Variants in NRXN3 observed in about 807,000 individuals in gnomAD.
NRXN3 encodes the protein neurexin 3.
Under a neutral mutation model 137.6 loss-of-function variants are expected in NRXN3, and 32 were observed. That is an observed-to-expected ratio of 0.23 (90% CI 0.18 to 0.31). The LOEUF (loss-of-function observed/expected upper bound fraction) is 0.31, where lower values mean the gene tolerates loss of function less well. NRXN3 is among the 10% of genes least tolerant of loss of function. The probability of loss-of-function intolerance (pLI) is 1.00; values close to 1 mark genes in which losing one functional copy is unlikely to be tolerated. For missense variants in NRXN3, 1,574 were observed against 2,062.5 expected (o/e 0.76, Z 4.59); for synonymous variants, 798 against 784.5 (o/e 1.02, Z -0.29).
At chr14:79,308,932 A>T (rs552726191) in intron 15 of NRXN3, among the ~76,000 whole-genome samples, 124 of 95,736 alleles carry the variant, frequency 1.3e-3, no homozygotes, top group African/African-American at 4.8e-3. Flanking sequence ...TTTATTTTTT[A>T]ATTTTTTTTT....
intron 20 of NRXN3, among the ~76,000 whole-genome samples, chr14:79,831,342 G>C (rs1463238387): frequency 6.6e-6 from 1 of 152,146 alleles, no homozygotes; most frequent in African/African-American, 2.4e-5. Flanking sequence ...TCACGTACAA[G>C]AATGTTAATG....
intron 15 of NRXN3, among the ~76,000 whole-genome samples, chr14:79,052,241 G>A (rs756394823): frequency 5.9e-5 from 9 of 152,048 alleles, no homozygotes; most frequent in South Asian, 2.1e-4. Context: ...GTACATTTAC[G>A]GGATCATCAG....
At chr14:79,093,928 C>G (rs1307088007) in intron 15 of NRXN3, among the ~76,000 whole-genome samples, 1 of 151,630 alleles carries the variant, frequency 6.6e-6, no homozygotes, top group Admixed American at 6.6e-5. Context: ...TTTCCCCTCT[C>G]AAATAAAGGG....
intron 15 of NRXN3, among the ~76,000 whole-genome samples, chr14:79,203,707 T>C (rs1193566544): frequency 6.6e-6 from 1 of 152,230 alleles, no homozygotes; most frequent in Non-Finnish European, 1.5e-5. Flanking sequence ...ACTTAATTTC[T>C]GAGCTTCAGT....
intron 15 of NRXN3, among the ~76,000 whole-genome samples, chr14:79,243,302 A>G (rs749797219): frequency 3.3e-5 from 5 of 152,222 alleles, no homozygotes; most frequent in Non-Finnish European, 5.9e-5. Context: ...TACATAGGAC[A>G]GCATCCAAAT....
rs1360851437 is a variant in NRXN3, at chr14:78,314,598, G to A, written c.757+16738G>A. 3.9e-5 allele frequency among the ~76,000 whole-genome samples: 6 copies of A among 152,292 alleles called. No individual in the cohort carries two copies. The East Asian group carries it at 5.8e-4, about 15-fold the overall frequency. ...CTATGATTGGCCAGAACTCAGTCAC[G>A]TAATCCCATCCAATTGCAAAGGAGA... On this transcript the variant is annotated intron_variant, in intron 4 of 20. Coordinates refer to ENST00000335750, the MANE Select transcript of NRXN3 (RefSeq NM_001330195.2).
At chr14:79,537,176 A>C (rs180751840) in intron 16 of NRXN3, among the ~76,000 whole-genome samples, 3 of 151,956 alleles carry the variant, frequency 2.0e-5, no homozygotes, top group African/African-American at 7.3e-5. Context: ...ATGGAGTCTC[A>C]TTGTGGTTTT....
intron 15 of NRXN3, among the ~76,000 whole-genome samples, chr14:79,038,587 A>T (rs1198314082): frequency 6.6e-6 from 1 of 152,086 alleles, no homozygotes; most frequent in African/African-American, 2.4e-5. Context: ...AATAATGGGT[A>T]TGCTCTCCTT....
intron 15 of NRXN3, among the ~76,000 whole-genome samples, chr14:79,446,120 C>T (rs1240073884): frequency 2.0e-5 from 3 of 152,020 alleles, no homozygotes; most frequent in Admixed American, 6.6e-5. Context: ...CAGACAAAAA[C>T]GAATAAGAAC....
chr14:79,073,865 T>C (rs998015481), intron 15 of NRXN3, among the ~76,000 whole-genome samples: 3 of 152,118 alleles, frequency 2.0e-5, no homozygotes, highest in African/African-American at 7.3e-5. Flanking sequence ...GCAGCTCTGC[T>C]ACTTACTGGC....
chr14:79,150,297 A>G (rs771691963), intron 15 of NRXN3, among the ~76,000 whole-genome samples: 6 of 152,030 alleles, frequency 3.9e-5, no homozygotes, highest in Non-Finnish European at 7.4e-5. Flanking sequence ...AATAGTTAAA[A>G]TTGTGCATTT....
chr14:79,193,469 G>A (rs1286489479), intron 15 of NRXN3, among the ~76,000 whole-genome samples: 1 of 152,204 alleles, frequency 6.6e-6, no homozygotes, highest in Non-Finnish European at 1.5e-5. Context: ...AGATTATATT[G>A]CTGTTGCATT....
At chr14:78,793,521 G>A (rs2098811841) in intron 8 of NRXN3, among the ~76,000 whole-genome samples, 1 of 152,078 alleles carries the variant, frequency 6.6e-6, no homozygotes. Context: ...GGCGCATGGG[G>A]GCAAAGTCTG....
intron 15 of NRXN3, among the ~76,000 whole-genome samples, chr14:79,000,334 C>A (rs1303321382): frequency 6.6e-6 from 1 of 151,930 alleles, no homozygotes; most frequent in Non-Finnish European, 1.5e-5. Context: ...TTTTTCTATC[C>A]AAATACCTTT....
chr14:79,671,391 C>T (rs1156801987), intron 17 of NRXN3, among the ~76,000 whole-genome samples: 4 of 151,968 alleles, frequency 2.6e-5, no homozygotes, highest in African/African-American at 9.7e-5. Flanking sequence ...TATAGAATTC[C>T]CCCCTCAGGT....
chr14:79,108,017 G>A (rs1315502629), intron 15 of NRXN3, among the ~76,000 whole-genome samples: 1 of 152,080 alleles, frequency 6.6e-6, no homozygotes, highest in Admixed American at 6.6e-5. Flanking sequence ...TTTCACAGTG[G>A]TCAGAGGCCA....
intron 4 of NRXN3, among the ~76,000 whole-genome samples, chr14:78,630,819 A>T (rs2097514799): frequency 1.3e-5 from 2 of 151,980 alleles, no homozygotes; most frequent in Admixed American, 6.6e-5. Context: ...GTTAGCCAGG[A>T]TGGTCTCGAT....
intron 15 of NRXN3, among the ~76,000 whole-genome samples, chr14:79,334,779 G>A (rs1313731488): frequency 2.0e-5 from 3 of 152,154 alleles, no homozygotes; most frequent in African/African-American, 7.2e-5. Context: ...GCCTTCTTAA[G>A]TGTTTGCTTC....
chr14:78,192,463 C>G (rs2060839121), intron 1 of NRXN3, among the ~76,000 whole-genome samples: 1 of 152,132 alleles, frequency 6.6e-6, no homozygotes, highest in Non-Finnish European at 1.5e-5. Context: ...AAAAAGAAGA[C>G]TTCTTGGATT....
Sources: gnomAD v4.1 joint callset for allele counts (sites outside exome capture counted in the v4.1 genomes callset) on GRCh38, gnomAD v4.1.1 for gene constraint, MANE v1.5 for transcripts, NCBI Gene and HGNC (gene_info 2026-07-23, HGNC 2026-07-21) for gene names.